Variants in CIAO3 observed in about 807,000 individuals in gnomAD.
CIAO3 encodes LET1 like/JFP15.
Under a neutral mutation model 51.5 loss-of-function variants are expected in CIAO3, and 45 were observed. That is an observed-to-expected ratio of 0.87 (90% CI 0.69 to 1.12). CIAO3 has a LOEUF of 1.12. Ranked by LOEUF, CIAO3 falls within the 50% of genes most tolerant of loss-of-function variation. CIAO3 has a pLI of 0.00. For missense variants in CIAO3, 668 were observed against 632.5 expected (o/e 1.06, Z -0.60); for synonymous variants, 314 against 269.3 (o/e 1.17, Z -1.63).
At position 734,223 on chromosome 16, in the gene CIAO3, C is replaced by T. The variant is rs767611340; in HGVS notation, c.693+6G>A. ...CCTGAGTCTGGGGCTGGCCCAACGC[C>T]GTTACCTGCTGCTGGGCGAAGAAGT... On this transcript the variant is annotated splice_donor_region_variant and intron_variant, in intron 6 of 10. Transcript: ENST00000251588. 5.6e-6 allele frequency: 9 copies of T among 1,610,360 alleles called. No individual in the cohort carries two copies. The highest frequency in any genetic ancestry group is 3.3e-5 in the Admixed American group (2 of 60,014).
intron 3 of CIAO3, 112 bp from the exon 4 acceptor site, chr16:736,510 T>A: frequency 1.6e-6 from 2 of 1,279,240 alleles, no homozygotes; most frequent in Non-Finnish European, 2.1e-6. Flanking sequence ...GCCAGCTCCA[T>A]CAAGAGTCTT....
At chr16:731,985 C>CA in intron 8 of CIAO3, 1 of 528,002 alleles carries the variant, frequency 1.9e-6, no homozygotes, top group Non-Finnish European at 3.3e-6. Context: ...TCTCATGCCT[C>CA]AACCTCCCAA....
At chr16:732,413 T>A in intron 7 of CIAO3, 40 bp from the exon 8 acceptor site, 28 of 1,607,756 alleles carry the variant, frequency 1.7e-5, no homozygotes, top group Non-Finnish European at 2.4e-5. Context: ...TTAGCGGAGA[T>A]CCCAGCAACA....
In CIAO3 at chr16:729,895, C is replaced by G. The variant is rs564585395; in HGVS notation, c.*522G>C. 2 of 386,306 alleles carry G rather than the reference C, an allele frequency of 5.2e-6. No homozygotes were observed. The allele number at this position is 386,306 out of a possible 1,614,324, so 23.9% of individuals were successfully genotyped here. A position where few individuals can be genotyped will look rare whatever the true frequency, so the allele number is the denominator to read the frequency against. ...CTTGCCCCGGACCACAGCCTCGTAACGGTAACCCCTGCTTTCCAGGGGCCT... is the reference window on the plus strand; with the variant it reads ...CTTGCCCCGGACCACAGCCTCGTAAGGGTAACCCCTGCTTTCCAGGGGCCT... On this transcript the variant is annotated 3_prime_UTR_variant, in exon 11 of 11. Transcript: ENST00000251588.
rs894497922 is a variant in CIAO3, at chr16:737,078, C to T, written c.306+108G>A. 2.0e-5 allele frequency: 29 copies of T among 1,465,878 alleles called. No individual in the cohort carries two copies. Among genetic ancestry groups the T allele is most frequent in the South Asian group, 2.4e-5 (2 of 83,958 alleles). The allele number at this position is 1,465,878 out of a possible 1,614,324, so 90.8% of individuals were successfully genotyped here. A position where few individuals can be genotyped will look rare whatever the true frequency, so the allele number is the denominator to read the frequency against. Reference sequence around the variant, plus strand: ...AAGCCTCAAAAAGGCAGGCGCCACCCGCACGACGGACGTCGGCACCACACG... The same window carrying T: ...AAGCCTCAAAAAGGCAGGCGCCACCTGCACGACGGACGTCGGCACCACACG... On this transcript the variant is annotated intron_variant, in intron 3 of 10. Transcript: ENST00000251588. The surrounding 1 kb of genome is among the most constrained non-coding windows in gnomAD (Gnocchi z 5.3).
In CIAO3 at chr16:734,267, T is replaced by C; in HGVS notation, c.655A>G (p.Met219Val). The C allele has an allele frequency of 1.9e-6, 3 of 1,612,090 alleles. No homozygotes were observed. Among genetic ancestry groups the C allele is most frequent in the Non-Finnish European group, 2.5e-6 (3 of 1,179,894 alleles). The change falls in exon 6 of 11, where the codon ATG (methionine) becomes GTG (valine). Residue 219 changes from methionine (M) to valine (V), a missense_variant. Transcript: ENST00000251588. ...ISTARSPQQVMGSLVKDFFAQ... is the reference protein window; with the variant it reads ...ISTARSPQQVVGSLVKDFFAQ... ...AAGAAGTCCTTGACCAGGGAGCCCATGACCTGCTGCGGGGACCGGGCGGTG... is the reference window on the plus strand; with the variant it reads ...AAGAAGTCCTTGACCAGGGAGCCCACGACCTGCTGCGGGGACCGGGCGGTG...
intron 2 of CIAO3, chr16:738,523 T>A (rs1326699932): frequency 5.7e-6 from 1 of 175,508 alleles, no homozygotes. Context: ...AATTTTTTTT[T>A]TTGTATTTTT....
rs1166557404 is a variant in CIAO3 at position 729,778 on chromosome 16, G to A, written c.*639C>T. The A allele has an allele frequency of 3.9e-6, 5 of 1,279,198 alleles. No homozygotes were observed. Among genetic ancestry groups the A allele is most frequent in the Non-Finnish European group, 3.1e-6 (3 of 979,158 alleles). The allele number at this position is 1,279,198 out of a possible 1,614,324, so 79.2% of individuals were successfully genotyped here. On this transcript the variant is annotated 3_prime_UTR_variant, in exon 11 of 11. Transcript: ENST00000251588. ...TTTTCGTAGGCGTGTTTTAGGAGGGGTGCGTTTATTAGACAAACGCTGGGA... is the reference window on the plus strand; with the variant it reads ...TTTTCGTAGGCGTGTTTTAGGAGGGATGCGTTTATTAGACAAACGCTGGGA...
At chr16:731,195 T>A in intron 9 of CIAO3, 195 bp from the exon 10 acceptor site, 1 of 719,680 alleles carries the variant, frequency 1.4e-6, no homozygotes, top group Non-Finnish European at 2.2e-6. Context: ...GCAGGGGACC[T>A]CACCTCCAGC....
In CIAO3 at chr16:739,720, T is replaced by G; in HGVS notation, c.85A>C (p.Lys29Gln). The G allele has an allele frequency of 6.2e-7, 1 of 1,614,068 alleles. No homozygotes were observed. Among genetic ancestry groups the G allele is most frequent in the Non-Finnish European group, 8.5e-7 (1 of 1,179,988 alleles). The change falls in exon 2 of 11, where the codon AAA (lysine) becomes CAA (glutamine). Residue 29 changes from lysine to glutamine, a missense_variant. Coordinates refer to ENST00000251588, the MANE Select transcript of CIAO3 (RefSeq NM_022493.3). ...GPSQECIKPVKVEKRAGSGVA... is the reference protein window; with the variant it reads ...GPSQECIKPVQVEKRAGSGVA... ...CCACTTCCCGCCCTTTTTTCCACTT[T>G]GACAGGCTTGATGCACTCCTAGAGC...
In CIAO3 at chr16:729,873, GC is replaced by G; in HGVS notation, c.*543del. 1 of 452,862 alleles carries G rather than the reference GC, an allele frequency of 2.2e-6. No individual in the cohort carries two copies. Among genetic ancestry groups the G allele is most frequent in the South Asian group, 2.1e-5 (1 of 46,940 alleles). The allele number at this position is 452,862 out of a possible 1,614,324, so 28.1% of individuals were successfully genotyped here. A position where few individuals can be genotyped will look rare whatever the true frequency, so the allele number is the denominator to read the frequency against. On this transcript the variant is annotated 3_prime_UTR_variant, in exon 11 of 11. Transcript: ENST00000251588. ...ATGGCTGCTGCTTCGTACTTGGCTT[GC>G]CCCGGACCACAGCCTCGTAACGGTA...
At chr16:732,183 G>C in intron 8 of CIAO3, 118 bp downstream of exon 8, 1 of 1,132,122 alleles carries the variant, frequency 8.8e-7, no homozygotes. Flanking sequence ...TGGCTATCCA[G>C]CCACTTCTGT....
At chr16:731,507 G>A (rs375118324) in intron 9 of CIAO3, 58 bp downstream of exon 9, 11 of 1,486,130 alleles carry the variant, frequency 7.4e-6, no homozygotes, top group Middle Eastern at 1.7e-4. Flanking sequence ...GCAGCAGCCC[G>A]AGGAAGGCTG....
intron 6 of CIAO3, 112 bp downstream of exon 6, chr16:734,117 G>T: frequency 2.2e-6 from 2 of 930,016 alleles, no homozygotes; most frequent in South Asian, 1.3e-5. Context: ...TGCTGGGGAA[G>T]GCCGCACAGC....
rs192057713 is a variant in CIAO3, at chr16:739,191, C to G, written c.162+452G>C. On this transcript the variant is annotated intron_variant, in intron 2 of 10. Transcript: ENST00000251588. ...GTGGCCGCCTGTAGTCCCAGCTACT[C>G]GGGAGGCTGAGGCAGGAGAATGGTG... 6 of 161,484 alleles carry G rather than the reference C, an allele frequency of 3.7e-5. No individual in the cohort carries two copies. The South Asian group carries it at 9.0e-4, about 24-fold the overall frequency. 10.0% of individuals were successfully genotyped at this position (161,484 alleles called of 1,614,324 possible).
chr16:733,098 G>A, intron 7 of CIAO3, 200 bp downstream of exon 7: 1 of 615,218 alleles, frequency 1.6e-6, no homozygotes, highest in Non-Finnish European at 2.8e-6. Context: ...CCACCTGGCT[G>A]CAGGTCCCCA....
intron 2 of CIAO3, chr16:738,285 G>A (rs2041358681): frequency 5.1e-6 from 5 of 986,376 alleles, no homozygotes; most frequent in East Asian, 2.3e-4. Context: ...TGGTGCAGTG[G>A]TTCATGAGAT....
At chr16:738,168 C>G in intron 2 of CIAO3, 5 of 1,000,078 alleles carry the variant, frequency 5.0e-6, no homozygotes, top group Non-Finnish European at 4.8e-6. Context: ...CTCCTCCAAA[C>G]CAACTGCCAC....
chr16:740,758 T>G, intron 1 of CIAO3, 162 bp downstream of exon 1: 1 of 649,204 alleles, frequency 1.5e-6, no homozygotes, highest in Admixed American at 3.2e-5. Flanking sequence ...CCTCAGTGTC[T>G]GAGGCCCCGC....
Sources: allele counts gnomAD v4.1 joint callset, GRCh38; gene constraint gnomAD v4.1.1; non-coding constraint Gnocchi (gnomAD v3.1); transcripts MANE v1.5; gene names NCBI Gene and HGNC (gene_info 2026-07-23, HGNC 2026-07-21).